Variants in NINL observed in about 807,000 individuals in gnomAD.
NINL encodes the protein ninein-like protein.
Under a neutral mutation model 160.3 loss-of-function variants are expected in NINL, and 153 were observed. The observed-to-expected ratio is 0.95, with a 90% CI of 0.84 to 1.09. The LOEUF (loss-of-function observed/expected upper bound fraction) is 1.09, where lower values mean the gene tolerates loss of function less well. Among genes scored for constraint, NINL ranks in the 50% least tolerant of loss-of-function variants. The pLI is 0.00. For synonymous variants in NINL, 800 were observed against 734.8 expected, an observed-to-expected ratio of 1.09 and a Z score of -1.43; for missense variants, 1,829 against 1,764.0, an observed-to-expected ratio of 1.04 and a Z score of -0.66.
chr20:25,460,711 C>T (rs1377748705), intron 21 of NINL, among the ~76,000 whole-genome samples: 2 of 152,156 alleles, frequency 1.3e-5, no homozygotes, highest in Non-Finnish European at 1.5e-5. Flanking sequence ...CCCAGCTGAC[C>T]CCTCTGTGCC....
At chr20:25,520,480 T>C (rs1006767167) in intron 2 of NINL, among the ~76,000 whole-genome samples, 2 of 152,232 alleles carry the variant, frequency 1.3e-5, no homozygotes, top group South Asian at 2.1e-4. Context: ...CATTAAATTA[T>C]ACATGCATTT....
At chr20:25,559,887 G>A (rs752039109) in intron 1 of NINL, among the ~76,000 whole-genome samples, 3 of 151,872 alleles carry the variant, frequency 2.0e-5, no homozygotes, top group South Asian at 2.1e-4. Flanking sequence ...GATTACAGGC[G>A]TGAGCCAGCA....
At chr20:25,468,534 CCTGT>C (rs1426579289) in intron 18 of NINL, among the ~76,000 whole-genome samples, 1 of 54,970 alleles carries the variant, frequency 1.8e-5, no homozygotes, top group Non-Finnish European at 4.9e-5. Flanking sequence ...ACTGCCCTGC[CCTGT>C]CCCCCGACTC....
intron 1 of NINL, among the ~76,000 whole-genome samples, chr20:25,538,945 C>A (rs1480169048): frequency 1.3e-5 from 2 of 152,184 alleles, no homozygotes; most frequent in African/African-American, 4.8e-5. Flanking sequence ...GGCACCTTGG[C>A]TGTCAGCTGC....
At chr20:25,468,406 G>T (rs1431526561) in intron 18 of NINL, among the ~76,000 whole-genome samples, 21 of 147,022 alleles carry the variant, frequency 1.4e-4, no homozygotes, top group Non-Finnish European at 2.4e-4. Flanking sequence ...GACTCTCACT[G>T]GTGGGTGCCC....
intron 5 of NINL, among the ~76,000 whole-genome samples, chr20:25,510,273 G>GT (rs2064043187): frequency 6.6e-6 from 1 of 152,368 alleles, no homozygotes; most frequent in East Asian, 1.9e-4. Flanking sequence ...GGGAGAGGCT[G>GT]TATCTAGCCC....
At chr20:25,494,061 C>A (rs2063697810) in intron 10 of NINL, among the ~76,000 whole-genome samples, 2 of 152,064 alleles carry the variant, frequency 1.3e-5, no homozygotes, top group Admixed American at 6.5e-5. Context: ...GCCGCACAGG[C>A]CCCATGCATG....
intron 23 of NINL, 95 bp downstream of exon 23, chr20:25,455,578 C>A: frequency 1.2e-6 from 1 of 828,424 alleles, no homozygotes; most frequent in Non-Finnish European, 2.0e-6. Context: ...TGTGACAAGA[C>A]AGCCTTTTCC....
intron 17 of NINL, among the ~76,000 whole-genome samples, chr20:25,475,580 TG>T (rs1174417831): frequency 6.6e-6 from 1 of 152,196 alleles, no homozygotes; most frequent in Non-Finnish European, 1.5e-5. Flanking sequence ...GAAAAATCTT[TG>T]GAAGCGAGGG....
At chr20:25,568,645 G>A (rs1237770728) in intron 1 of NINL, among the ~76,000 whole-genome samples, 1 of 151,706 alleles carries the variant, frequency 6.6e-6, no homozygotes, top group Non-Finnish European at 1.5e-5. Context: ...TCCTGTGCTC[G>A]AGTGATCCTG....
At position 25,489,955 on chromosome 20, in the gene NINL, C is replaced by G. The variant is rs780195973; in HGVS notation, c.1516G>C (p.Glu506Gln). 9 of 1,614,078 alleles carry G rather than the reference C, an allele frequency of 5.6e-6. No homozygotes were observed. Among genetic ancestry groups the G allele is most frequent in the Non-Finnish European group, 7.6e-6 (9 of 1,180,024 alleles). Residue 506 changes from glutamate to glutamine, a missense_variant, in exon 12 of 24, where the codon GAA becomes CAA. Glu to Gln is a conservative substitution (Grantham distance 29). Coordinates refer to ENST00000278886, the MANE Select transcript of NINL (RefSeq NM_025176.6). ...GAATCCGAAAGCTTTTCCACCACTTCCACAATCTCCTTCTGTAGGCGACTG... is the reference window on the plus strand; with the variant it reads ...GAATCCGAAAGCTTTTCCACCACTTGCACAATCTCCTTCTGTAGGCGACTG... ...ENSRLQKEIV[E>Q]VVEKLSDSER... is the part of the protein sequence containing the mutation.
At chr20:25,481,840 G>A (rs1035014113) in intron 14 of NINL, 128 bp downstream of exon 14, 44 of 1,367,924 alleles carry the variant, frequency 3.2e-5, no homozygotes, top group Non-Finnish European at 4.1e-5. Flanking sequence ...TCCCTGCAGA[G>A]CAGACCACCT....
chr20:25,476,312 C>T lies in NINL; in HGVS notation c.2979G>A (p.Gln993=), dbSNP rs1601062920. ...ARSWSRGTQE[Q]ASEQQARAEG... ...CGGCCCGGGCCTGCTGCTCCGAGGC[C>T]TGCTCCTGGGTGCCCCTGCTCCAGC... Residue 993 remains glutamine, a synonymous_variant, in exon 17 of 24, where the codon CAG becomes CAA. Transcript: ENST00000278886. 5 of 1,613,202 alleles carry T rather than the reference C, an allele frequency of 3.1e-6. No homozygotes were observed. Among genetic ancestry groups the T allele is most frequent in the Non-Finnish European group, 4.2e-6 (5 of 1,179,966 alleles).
At chr20:25,533,611 ACC>A (rs1294776241) in intron 1 of NINL, among the ~76,000 whole-genome samples, 1 of 152,218 alleles carries the variant, frequency 6.6e-6, no homozygotes, top group East Asian at 1.9e-4. Context: ...CAGAATACAG[ACC>A]CCAGAAATCA....
At chr20:25,530,840 G>A (rs981881846) in intron 1 of NINL, among the ~76,000 whole-genome samples, 2 of 152,170 alleles carry the variant, frequency 1.3e-5, no homozygotes, top group Non-Finnish European at 2.9e-5. Context: ...AGGACCACAG[G>A]ACTGGGACGA....
At chr20:25,530,000 A>G (rs1338403263) in intron 1 of NINL, among the ~76,000 whole-genome samples, 3 of 152,200 alleles carry the variant, frequency 2.0e-5, no homozygotes, top group Admixed American at 2.0e-4. Context: ...CCAGGGCCCA[A>G]TTTCCAGCCC....
intron 1 of NINL, among the ~76,000 whole-genome samples, chr20:25,566,144 CAG>C (rs1303459626): frequency 6.6e-6 from 1 of 152,220 alleles, no homozygotes; most frequent in Non-Finnish European, 1.5e-5. Context: ...CATAAATACA[CAG>C]ACAGATACCC....
chr20:25,541,417 A>G (rs933030691), intron 1 of NINL, among the ~76,000 whole-genome samples: 5 of 152,238 alleles, frequency 3.3e-5, no homozygotes, highest in Non-Finnish European at 7.3e-5. Flanking sequence ...ATCTCTAACC[A>G]TCTACAAGCT....
intron 4 of NINL, among the ~76,000 whole-genome samples, chr20:25,512,169 C>T (rs1023755756): frequency 2.6e-5 from 4 of 152,206 alleles, no homozygotes; most frequent in East Asian, 1.9e-4. Flanking sequence ...AGGGAAGCAA[C>T]TTCCAAGGCC....
Sources: gnomAD v4.1 joint callset for allele counts (sites outside exome capture counted in the v4.1 genomes callset) on GRCh38, gnomAD v4.1.1 for gene constraint, MANE v1.5 for transcripts, NCBI Gene and HGNC (gene_info 2026-07-23, HGNC 2026-07-21) for gene names.